Variants in ABCB5 observed in about 807,000 individuals in gnomAD.
The protein encoded by ABCB5 is ATP-binding cassette sub-family B member 5.
ABCB5 carries 155 observed loss-of-function variants against 144.2 expected under a neutral mutation model. The observed-to-expected ratio is 1.08, with a 90% CI of 0.94 to 1.23. The LOEUF (loss-of-function observed/expected upper bound fraction) is 1.23, where lower values mean the gene tolerates loss of function less well. Ranked by LOEUF, ABCB5 falls within the 50% of genes most tolerant of loss-of-function variation. The pLI, the probability that ABCB5 is intolerant of heterozygous loss-of-function variation, is 0.00. For missense variants in ABCB5, 1,830 were observed against 1,520.8 expected, an observed-to-expected ratio of 1.20 and a Z score of -3.38; for synonymous variants, 610 against 528.6, an observed-to-expected ratio of 1.15 and a Z score of -2.11.
chr7:20,629,017 C>T (rs958545181), intron 4 of ABCB5, among the ~76,000 whole-genome samples, 179 bp downstream of exon 4: 2 of 151,858 alleles, frequency 1.3e-5, no homozygotes, highest in African/African-American at 4.8e-5. Context: ...TTCATGACCA[C>T]AGAGGTCTAT....
intron 2 of ABCB5, among the ~76,000 whole-genome samples, chr7:20,625,850 A>G (rs1783896753): frequency 6.6e-6 from 1 of 152,228 alleles, no homozygotes; most frequent in African/African-American, 2.4e-5. Context: ...TTGTACACTC[A>G]TATTCCTAAC....
intron 9 of ABCB5, 129 bp from the exon 10 acceptor site, chr7:20,647,406 C>A: frequency 7.2e-7 from 1 of 1,385,840 alleles, no homozygotes; most frequent in Non-Finnish European, 9.3e-7. Flanking sequence ...TTGGTCATAT[C>A]TTCCATTCTT....
At chr7:20,720,653 A>G (rs370220083) in intron 20 of ABCB5, among the ~76,000 whole-genome samples, 17 of 152,296 alleles carry the variant, frequency 1.1e-4, no homozygotes, top group African/African-American at 4.1e-4. Context: ...ACATCAAGTT[A>G]AGAATGAAGA....
At chr7:20,669,420 G>A (rs1357549588) in intron 14 of ABCB5, among the ~76,000 whole-genome samples, 4 of 141,968 alleles carry the variant, frequency 2.8e-5, no homozygotes, top group African/African-American at 1.1e-4. Context: ...GTTGATCTGT[G>A]ACCTTATCCC....
At chr7:20,638,479 A>G (rs1784212524) in intron 5 of ABCB5, among the ~76,000 whole-genome samples, 1 of 152,216 alleles carries the variant, frequency 6.6e-6, no homozygotes, top group Non-Finnish European at 1.5e-5. Flanking sequence ...GAACACTTTT[A>G]TCCTCCTACA....
At chr7:20,734,764 T>G (rs1782330741) in intron 23 of ABCB5, among the ~76,000 whole-genome samples, 1 of 152,208 alleles carries the variant, frequency 6.6e-6, no homozygotes, top group Admixed American at 6.5e-5. Context: ...ATTTTCATTC[T>G]GCCACCTTAC....
intron 14 of ABCB5, among the ~76,000 whole-genome samples, chr7:20,673,064 T>C (rs1785499011): frequency 6.6e-6 from 1 of 152,172 alleles, no homozygotes; most frequent in Admixed American, 6.5e-5. Context: ...TTGGTTTCAG[T>C]ATTGGAGTAT....
At chr7:20,677,119 A>C (rs1322772302) in intron 14 of ABCB5, among the ~76,000 whole-genome samples, 1 of 152,190 alleles carries the variant, frequency 6.6e-6, no homozygotes, top group Non-Finnish European at 1.5e-5. Flanking sequence ...TCACTCCTAT[A>C]TCATTAGTCT....
intron 16 of ABCB5, among the ~76,000 whole-genome samples, chr7:20,691,974 C>T (rs1421824485): frequency 2.0e-5 from 3 of 151,944 alleles, no homozygotes; most frequent in Admixed American, 1.3e-4. Flanking sequence ...GAAATAGACC[C>T]GGAAATGGCA....
chr7:20,739,244 C>G (rs866117336), intron 24 of ABCB5, 105 bp downstream of exon 24: 13 of 1,197,416 alleles, frequency 1.1e-5, no homozygotes, highest in Middle Eastern at 2.9e-4. Context: ...GAAAAACTAA[C>G]CATTGGGTGC....
chr7:20,644,953 T>C (rs959144883), intron 7 of ABCB5, among the ~76,000 whole-genome samples: 8 of 152,196 alleles, frequency 5.3e-5, no homozygotes, highest in Non-Finnish European at 4.4e-5. Context: ...AGTAGAAAGA[T>C]TGCCTGCAGT....
At chr7:20,637,185 G>A (rs911760471) in intron 5 of ABCB5, among the ~76,000 whole-genome samples, 9 of 152,052 alleles carry the variant, frequency 5.9e-5, no homozygotes, top group South Asian at 4.1e-4. Context: ...TACTTCTTCC[G>A]TCTGTAATAA....
chr7:20,675,421 T>C (rs1785570527), intron 14 of ABCB5, among the ~76,000 whole-genome samples: 2 of 151,992 alleles, frequency 1.3e-5, no homozygotes, highest in Admixed American at 1.3e-4. Flanking sequence ...CAAATGATAT[T>C]GGGAAAATTG....
intron 8 of ABCB5, 22 bp from the exon 9 acceptor site, chr7:20,645,939 A>T (rs764972002): frequency 6.2e-7 from 1 of 1,612,552 alleles, no homozygotes; most frequent in South Asian, 1.1e-5. Flanking sequence ...GTGGCTACTA[A>T]GTTGTGTTCT....
chr7:20,693,054 T>C (rs572092812), intron 16 of ABCB5, among the ~76,000 whole-genome samples: 1 of 152,270 alleles, frequency 6.6e-6, no homozygotes, highest in Non-Finnish European at 1.5e-5. Flanking sequence ...ACTTCACATA[T>C]TAACAACAGA....
intron 3 of ABCB5, among the ~76,000 whole-genome samples, chr7:20,627,590 A>G (rs1783938268): frequency 6.6e-6 from 1 of 152,154 alleles, no homozygotes. Flanking sequence ...ATGGGGACCT[A>G]CTACAGAATA....
chr7:20,727,703 C>G (rs1251371795), intron 22 of ABCB5, among the ~76,000 whole-genome samples: 1 of 152,166 alleles, frequency 6.6e-6, no homozygotes, highest in Non-Finnish European at 1.5e-5. Flanking sequence ...CATTACACTC[C>G]AACTCCAGCC....
At chr7:20,692,238 C>T (rs1015838375) in intron 16 of ABCB5, among the ~76,000 whole-genome samples, 19 of 151,820 alleles carry the variant, frequency 1.3e-4, no homozygotes, top group African/African-American at 4.6e-4. Flanking sequence ...ACTAAAGCAT[C>T]CAGAGAAATT....
chr7:20,644,488 G>T (rs974606472), intron 7 of ABCB5, among the ~76,000 whole-genome samples: 1 of 152,034 alleles, frequency 6.6e-6, no homozygotes, highest in African/African-American at 2.4e-5. Context: ...TTATGTACTC[G>T]CATTCTAAAT....
Sources: gnomAD v4.1 joint callset for allele counts (sites outside exome capture counted in the v4.1 genomes callset) on GRCh38, gnomAD v4.1.1 for gene constraint, MANE v1.5 for transcripts, NCBI Gene and HGNC (gene_info 2026-07-23, HGNC 2026-07-21) for gene names.